The following ESRRG variants were observed in gnomAD, a reference collection of about 807,000 sequenced individuals.
ESRRG encodes the protein estrogen-related receptor gamma.
In ESRRG, 13 loss-of-function variants were observed where a neutral mutation model predicts 44.0. That is an observed-to-expected ratio of 0.30 (90% CI 0.19 to 0.47). ESRRG has a LOEUF of 0.47. ESRRG is among the 20% of genes least tolerant of loss of function. The pLI, the probability that ESRRG is intolerant of heterozygous loss-of-function variation, is 1.00. For synonymous variants in ESRRG, 215 were observed against 214.6 expected, an observed-to-expected ratio of 1.00 and a Z score of -0.02; for missense variants, 395 against 580.6, an observed-to-expected ratio of 0.68 and a Z score of 3.29.
chr1:216,677,304 G>A lies in ESRRG; in HGVS notation c.244C>T (p.Pro82Ser). The A allele has an allele frequency of 1.2e-6, 2 of 1,614,174 alleles. No homozygotes were observed. The highest frequency in any genetic ancestry group is 8.5e-7 in the Non-Finnish European group (1 of 1,180,038). ...MNGHQNGLDSPPLYPSAPILG... is the reference protein window; with the variant it reads ...MNGHQNGLDSSPLYPSAPILG... Reference sequence around the variant, plus strand: ...ATAGGAGCAGAAGGGTAGAGAGGTGGCGAGTCAAGTCCGTTCTGATGGCCA... The same window carrying A: ...ATAGGAGCAGAAGGGTAGAGAGGTGACGAGTCAAGTCCGTTCTGATGGCCA... Residue 82 changes from proline to serine, a missense_variant, in exon 2 of 7, where the codon CCA (proline) becomes TCA (serine). Coordinates refer to ENST00000408911, the MANE Select transcript of ESRRG (RefSeq NM_001438.4).
chr1:216,983,121 C>G (rs1414027584), intron 1 of ESRRG, among the ~76,000 whole-genome samples: 2 of 148,802 alleles, frequency 1.3e-5, no homozygotes, highest in African/African-American at 4.9e-5. Flanking sequence ...GTGTAACATA[C>G]AGATTAAATG....
intron 1 of ESRRG, among the ~76,000 whole-genome samples, chr1:217,043,813 T>C (rs949716939): frequency 6.6e-6 from 1 of 152,152 alleles, no homozygotes; most frequent in African/African-American, 2.4e-5. Context: ...ATGTCAGTTA[T>C]CTGGGATTAC....
chr1:217,082,180 C>A (rs1285128967), intron 1 of ESRRG, among the ~76,000 whole-genome samples: 1 of 152,174 alleles, frequency 6.6e-6, no homozygotes, highest in Non-Finnish European at 1.5e-5. Flanking sequence ...GTACCAACCA[C>A]AATGCTTGTT....
intron 1 of ESRRG, among the ~76,000 whole-genome samples, chr1:217,005,496 G>A (rs1229969270): frequency 6.6e-6 from 1 of 152,000 alleles, no homozygotes; most frequent in Non-Finnish European, 1.5e-5. Context: ...AAAAGAACAG[G>A]GAACTCTTAG....
chr1:216,700,319 CAAAT>C (rs1394751866), intron 1 of ESRRG, among the ~76,000 whole-genome samples: 6 of 152,152 alleles, frequency 3.9e-5, no homozygotes, highest in African/African-American at 9.7e-5. Flanking sequence ...ACACATTCAG[CAAAT>C]ATACAGTAGC....
chr1:216,721,716 T>A (rs2086327824), intron 1 of ESRRG, among the ~76,000 whole-genome samples: 2 of 152,226 alleles, frequency 1.3e-5, no homozygotes, highest in Admixed American at 6.5e-5. Context: ...AAGTTCAGAA[T>A]CTGGGCGTGC....
intron 1 of ESRRG, among the ~76,000 whole-genome samples, chr1:217,058,392 TC>T (rs1314700235): frequency 6.6e-6 from 1 of 152,142 alleles, no homozygotes; most frequent in African/African-American, 2.4e-5. Context: ...TTTCCATAAG[TC>T]CTTTCTGAGT....
chr1:216,942,999 T>C (rs79088547), intron 1 of ESRRG, among the ~76,000 whole-genome samples: 1,793 of 152,288 alleles, frequency 0.012, 14 homozygotes, highest in Non-Finnish European at 0.018. Context: ...TGTAAGCTGA[T>C]GATTGCCTAT....
At chr1:216,823,171 A>G (rs778587752) in intron 2 of ESRRG, among the ~76,000 whole-genome samples, 1 of 152,054 alleles carries the variant, frequency 6.6e-6, no homozygotes, top group Non-Finnish European at 1.5e-5. Context: ...AAGAATTTGC[A>G]TGAGTCACAG....
upstream of ESRRG, chr1:216,723,440 C>T (rs564499741): frequency 1.4e-6 from 1 of 729,146 alleles, no homozygotes; most frequent in Non-Finnish European, 2.4e-6. Flanking sequence ...TCACACTCTC[C>T]TAATCAAGGA....
chr1:217,081,221 C>CTTTTTTTTTTTTTT lies in ESRRG; in HGVS notation c.-106+8272_-106+8285dup, dbSNP rs143325476. On this transcript the variant is annotated intron_variant, in intron 1 of 7. Transcript: ENST00000359162. ...TCAGTGAATTATAGATAAAAATATT[C>CTTTTTTTTTTTTTT]TTTTTTTTTTTTTTTTTTTTTTTGA... Among the ~76,000 whole-genome samples the CTTTTTTTTTTTTTT allele has an allele frequency of 1.3e-4, 9 of 70,410 alleles. 2 individuals carry two copies. Among genetic ancestry groups the CTTTTTTTTTTTTTT allele is most frequent in the East Asian group, 1.0e-3 (2 of 1,964 alleles). 46.2% of individuals were successfully genotyped at this position (70,410 alleles called of 152,430 possible). A position where few individuals can be genotyped will look rare whatever the true frequency, so the allele number is the denominator to read the frequency against.
intron 5 of ESRRG, among the ~76,000 whole-genome samples, chr1:216,528,181 T>C (rs977572755): frequency 2.0e-5 from 3 of 152,202 alleles, no homozygotes; most frequent in African/African-American, 7.2e-5. Flanking sequence ...GGGTGCCTAA[T>C]GCTTTTTCAT....
chr1:216,945,435 T>C (rs959095174), intron 1 of ESRRG, among the ~76,000 whole-genome samples: 4 of 152,262 alleles, frequency 2.6e-5, no homozygotes, highest in African/African-American at 9.6e-5. Flanking sequence ...AATTTATTAG[T>C]GTGCTTGAAG....
At chr1:216,689,318 A>G (rs1359102191) in intron 1 of ESRRG, among the ~76,000 whole-genome samples, 2 of 152,104 alleles carry the variant, frequency 1.3e-5, no homozygotes, top group African/African-American at 4.8e-5. Context: ...CTGGCTCACT[A>G]CCTAAGTTTC....
chr1:216,912,026 C>T (rs997143672), intron 2 of ESRRG, among the ~76,000 whole-genome samples: 1 of 150,332 alleles, frequency 6.7e-6, no homozygotes, highest in Non-Finnish European at 1.5e-5. Flanking sequence ...TGGAGCCTGG[C>T]AGGTCAAGGC....
intron 3 of ESRRG, among the ~76,000 whole-genome samples, chr1:216,581,438 A>C (rs1558630035): frequency 6.6e-6 from 1 of 152,172 alleles, no homozygotes; most frequent in Non-Finnish European, 1.5e-5. Flanking sequence ...GACATTATCA[A>C]ATTTCTTTAT....
intron 1 of ESRRG, among the ~76,000 whole-genome samples, chr1:217,059,440 A>G (rs1392619378): frequency 6.6e-6 from 1 of 152,100 alleles, no homozygotes; most frequent in African/African-American, 2.4e-5. Context: ...AATATTTCTT[A>G]CCCAAAGAAA....
intron 1 of ESRRG, among the ~76,000 whole-genome samples, chr1:217,113,057 A>G (rs1318709791): frequency 6.6e-6 from 1 of 152,238 alleles, no homozygotes; most frequent in Non-Finnish European, 1.5e-5. Flanking sequence ...TCGTATTGAT[A>G]GAAGAGCTGC....
At chr1:216,738,802 T>C (rs1020496723) in intron 2 of ESRRG, among the ~76,000 whole-genome samples, 1 of 152,186 alleles carries the variant, frequency 6.6e-6, no homozygotes, top group Non-Finnish European at 1.5e-5. Flanking sequence ...TCTCTCTGCC[T>C]AGCAAAATCT....
Sources: gnomAD v4.1 joint callset for allele counts (sites outside exome capture counted in the v4.1 genomes callset) on GRCh38, gnomAD v4.1.1 for gene constraint, MANE v1.5 for transcripts, NCBI Gene and HGNC (gene_info 2026-07-23, HGNC 2026-07-21) for gene names.